The following TENM3 variants were observed in gnomAD, a reference collection of about 807,000 sequenced individuals.
TENM3 encodes teneurin-3.
In TENM3, 63 loss-of-function variants were observed where a neutral mutation model predicts 255.1. The ratio of observed to expected loss-of-function variants is 0.25; its 90% CI spans 0.20 to 0.30. The LOEUF is 0.30. TENM3 is among the 10% of genes least tolerant of loss of function. The pLI is 1.00. For missense variants in TENM3, 2,929 were observed against 3,461.1 expected, an observed-to-expected ratio of 0.85 and a Z score of 3.86; for synonymous variants, 1,306 against 1,322.3, an observed-to-expected ratio of 0.99 and a Z score of 0.27.
At chr4:181,649,646 G>A in the TENM3 span, among the ~76,000 whole-genome samples, 52 of 152,316 alleles carry the variant, frequency 3.4e-4, 1 homozygote, top group Admixed American at 9.2e-4. Context: ...ATAAAAGGAA[G>A]GGAAAGACCT....
At chr4:181,983,781 A>G in the TENM3 span, among the ~76,000 whole-genome samples, 1 of 152,144 alleles carries the variant, frequency 6.6e-6, no homozygotes, top group Non-Finnish European at 1.5e-5. Context: ...CTACTTGGGA[A>G]AAAAGCCATA....
the TENM3 span, among the ~76,000 whole-genome samples, chr4:181,833,488 A>G: frequency 6.6e-6 from 1 of 152,270 alleles, no homozygotes; most frequent in Admixed American, 6.5e-5. Flanking sequence ...CCATGCTTAA[A>G]ACCTCTGATT....
chr4:182,201,276 T>G (rs1445737207), intron 1 of TENM3, among the ~76,000 whole-genome samples: 2 of 152,236 alleles, frequency 1.3e-5, no homozygotes, highest in Non-Finnish European at 2.9e-5. Flanking sequence ...TTTAATGTTT[T>G]TTTCTTTTTT....
At chr4:182,775,798 G>C (rs1764642397) in intron 24 of TENM3, among the ~76,000 whole-genome samples, 1 of 152,092 alleles carries the variant, frequency 6.6e-6, no homozygotes. Flanking sequence ...AAAAATTATG[G>C]GTTCCAGATG....
the TENM3 span, among the ~76,000 whole-genome samples, chr4:182,128,028 A>G: frequency 1.3e-5 from 2 of 152,148 alleles, no homozygotes; most frequent in Non-Finnish European, 2.9e-5. Flanking sequence ...TAGGAAGTTT[A>G]ATAGGTTTGT....
chr4:182,239,852 AATTG>A (rs1413444749), upstream of TENM3, among the ~76,000 whole-genome samples: 2 of 152,240 alleles, frequency 1.3e-5, no homozygotes, highest in Non-Finnish European at 2.9e-5. Context: ...AAGAAACAAA[AATTG>A]ATTAGTAGTT....
the TENM3 span, among the ~76,000 whole-genome samples, chr4:181,816,383 GA>G: frequency 4.1e-3 from 619 of 152,248 alleles, 3 homozygotes; most frequent in African/African-American, 0.014. Flanking sequence ...GGAGTCAAAG[GA>G]AAACTCTATC....
chr4:182,635,931 C>A (rs527289000), intron 5 of TENM3, among the ~76,000 whole-genome samples: 2 of 152,144 alleles, frequency 1.3e-5, no homozygotes, highest in African/African-American at 4.8e-5. Context: ...ATACGCCAGC[C>A]CTTTATGCTT....
At chr4:182,602,460 C>T (rs1747985381) in intron 4 of TENM3, among the ~76,000 whole-genome samples, 1 of 152,162 alleles carries the variant, frequency 6.6e-6, no homozygotes. Flanking sequence ...ACCCATTCTG[C>T]CTTGAGGATG....
At chr4:182,613,297 A>G (rs967703138) in intron 4 of TENM3, among the ~76,000 whole-genome samples, 1 of 152,178 alleles carries the variant, frequency 6.6e-6, no homozygotes. Context: ...ACTTGATGAC[A>G]TGGATTCTTC....
intron 3 of TENM3, among the ~76,000 whole-genome samples, chr4:182,588,650 G>A (rs1217229302): frequency 6.6e-6 from 1 of 152,228 alleles, no homozygotes; most frequent in Admixed American, 6.5e-5. Flanking sequence ...AAAATGGGTA[G>A]AAGAATATCC....
the TENM3 span, among the ~76,000 whole-genome samples, chr4:181,713,743 T>C: frequency 6.6e-6 from 1 of 152,194 alleles, no homozygotes; most frequent in Non-Finnish European, 1.5e-5. Flanking sequence ...AATTATTCCC[T>C]AACATCAAAA....
At chr4:181,671,898 G>C in the TENM3 span, among the ~76,000 whole-genome samples, 1 of 152,056 alleles carries the variant, frequency 6.6e-6, no homozygotes, top group Admixed American at 6.6e-5. Flanking sequence ...TTTCTTACTT[G>C]TCTCTGGCTC....
intron 1 of TENM3, among the ~76,000 whole-genome samples, chr4:182,216,162 A>T (rs1362307644): frequency 6.6e-6 from 1 of 152,188 alleles, no homozygotes; most frequent in Non-Finnish European, 1.5e-5. Flanking sequence ...GCCAGAAATG[A>T]TTGCCAGCAC....
At chr4:182,235,378 C>T (rs1756831440) in intron 1 of TENM3, among the ~76,000 whole-genome samples, 1 of 152,176 alleles carries the variant, frequency 6.6e-6, no homozygotes, top group Non-Finnish European at 1.5e-5. Context: ...AAAAATCTAC[C>T]TTCCCAGGCG....
the TENM3 span, among the ~76,000 whole-genome samples, chr4:181,520,517 A>G: frequency 6.6e-6 from 1 of 152,178 alleles, no homozygotes; most frequent in South Asian, 2.1e-4. Context: ...GCAAGTAACT[A>G]TGCCTCAAAC....
At chr4:181,964,262 G>T in the TENM3 span, among the ~76,000 whole-genome samples, 1 of 151,990 alleles carries the variant, frequency 6.6e-6, no homozygotes, top group Non-Finnish European at 1.5e-5. Flanking sequence ...TCAGGAAATG[G>T]CCAATCCCCC....
At position 182,793,323 on chromosome 4, in the gene TENM3, C is replaced by T. The variant is rs1189695747; in HGVS notation, c.6651C>T (p.Tyr2217=). 9.9e-6 allele frequency: 16 copies of T among 1,613,692 alleles called. No homozygotes were observed. Among genetic ancestry groups the T allele is most frequent in the Non-Finnish European group, 1.3e-5 (15 of 1,179,716 alleles). ...CCAAGGGGCTTCTAACTCGAGTTTACAGTAAAGGCAGTGGCTGGACAGTGA... is the reference window on the plus strand; with the variant it reads ...CCAAGGGGCTTCTAACTCGAGTTTATAGTAAAGGCAGTGGCTGGACAGTGA... ...YSSKGLLTRV[Y]SKGSGWTVIY... is the part of the protein sequence containing the mutation. The change falls in exon 26 of 28, where the codon TAC becomes TAT. Residue 2217 remains tyrosine (Y), a synonymous_variant. Coordinates refer to ENST00000511685, the MANE Select transcript of TENM3 (RefSeq NM_001080477.4). The surrounding 1 kb of genome is among the most constrained non-coding windows in gnomAD (Gnocchi z 5.7).
At chr4:182,712,448 A>C (rs78134632) in intron 12 of TENM3, among the ~76,000 whole-genome samples, 1 of 152,066 alleles carries the variant, frequency 6.6e-6, no homozygotes, top group Admixed American at 6.6e-5. Context: ...AAAAAAAAAA[A>C]ACACATCCAT....
Sources: allele counts gnomAD v4.1 joint callset (sites outside exome capture counted in the v4.1 genomes callset), GRCh38; gene constraint gnomAD v4.1.1; non-coding constraint Gnocchi (gnomAD v3.1); transcripts MANE v1.5; gene names NCBI Gene and HGNC (gene_info 2026-07-23, HGNC 2026-07-21).